Variants in ENTREP2 observed in about 807,000 individuals in gnomAD.
ENTREP2 encodes endosomal transmembrane epsin interactor 2.
chr15:29,430,651 AAAACAAAC>A, the ENTREP2 span, among the ~76,000 whole-genome samples: 1 of 147,290 alleles, frequency 6.8e-6, no homozygotes. Flanking sequence ...CTCCATCTCA[AAAACAAAC>A]AAACAAACAA....
chr15:29,516,379 A>T, the ENTREP2 span, among the ~76,000 whole-genome samples: 5 of 152,232 alleles, frequency 3.3e-5, no homozygotes, highest in Non-Finnish European at 7.3e-5. Context: ...AAATGCATGG[A>T]TCTATACATA....
At chr15:29,543,220 A>G in the ENTREP2 span, among the ~76,000 whole-genome samples, 4 of 152,206 alleles carry the variant, frequency 2.6e-5, no homozygotes, top group Non-Finnish European at 5.9e-5. Context: ...AATAGTGTCC[A>G]TTAATGCTGC....
At chr15:29,215,646 C>T in the ENTREP2 span, among the ~76,000 whole-genome samples, 10,134 of 151,536 alleles carry the variant, frequency 0.067, 1,171 homozygotes, top group African/African-American at 0.23. Flanking sequence ...CACCATTATA[C>T]AAATGTCCCA....
chr15:29,513,024 AAAGTC>A, the ENTREP2 span, among the ~76,000 whole-genome samples: 1 of 152,212 alleles, frequency 6.6e-6, no homozygotes, highest in African/African-American at 2.4e-5. Context: ...TATTCTTTAA[AAAGTC>A]AGCCTCTTTT....
At chr15:29,415,671 G>A in the ENTREP2 span, among the ~76,000 whole-genome samples, 1 of 152,122 alleles carries the variant, frequency 6.6e-6, no homozygotes, top group Non-Finnish European at 1.5e-5. Flanking sequence ...AGGAGAAGGA[G>A]ATAAACGGCA....
the ENTREP2 span, among the ~76,000 whole-genome samples, chr15:29,652,702 G>A: frequency 5.3e-5 from 8 of 152,342 alleles, no homozygotes; most frequent in African/African-American, 1.9e-4. Context: ...GCCTTGCAGA[G>A]AGCTGCTGCC....
chr15:29,136,357 AG>A, the ENTREP2 span: 68 of 1,492,372 alleles, frequency 4.6e-5, no homozygotes, highest in African/African-American at 9.4e-4. Context: ...CTGGGGCCCC[AG>A]GCCTCACCTG....
At chr15:29,515,657 G>A in the ENTREP2 span, among the ~76,000 whole-genome samples, 4 of 152,198 alleles carry the variant, frequency 2.6e-5, no homozygotes, top group Non-Finnish European at 5.9e-5. Flanking sequence ...GTCCTGTGTT[G>A]GAGTTCTAAT....
chr15:29,225,063 G>A, the ENTREP2 span, among the ~76,000 whole-genome samples: 8 of 152,224 alleles, frequency 5.3e-5, no homozygotes, highest in Admixed American at 4.6e-4. Context: ...CTGAGCCCAT[G>A]CCCACCCAGA....
the ENTREP2 span, among the ~76,000 whole-genome samples, chr15:29,207,593 C>T: frequency 1.3e-5 from 2 of 152,018 alleles, no homozygotes; most frequent in African/African-American, 2.4e-5. Context: ...TTTTACAGAG[C>T]GCTGATTAGT....
chr15:29,291,988 G>A, the ENTREP2 span, among the ~76,000 whole-genome samples: 1 of 152,054 alleles, frequency 6.6e-6, no homozygotes, highest in South Asian at 2.1e-4. Context: ...ACCACCCAAT[G>A]TTTGCCAATG....
chr15:29,510,125 G>T, the ENTREP2 span, among the ~76,000 whole-genome samples: 1 of 152,198 alleles, frequency 6.6e-6, no homozygotes, highest in Non-Finnish European at 1.5e-5. Context: ...AGACATTTAT[G>T]TAGCCAGCAA....
chr15:29,567,219 C>A, the ENTREP2 span, among the ~76,000 whole-genome samples: 2 of 152,158 alleles, frequency 1.3e-5, no homozygotes, highest in Non-Finnish European at 2.9e-5. Flanking sequence ...TCATCACAGA[C>A]CTCCGGCCAG....
At chr15:29,320,489 G>A in the ENTREP2 span, among the ~76,000 whole-genome samples, 1 of 152,074 alleles carries the variant, frequency 6.6e-6, no homozygotes, top group Non-Finnish European at 1.5e-5. Flanking sequence ...AAAATTAGAA[G>A]GCATGGTAAA....
the ENTREP2 span, among the ~76,000 whole-genome samples, chr15:29,247,304 A>G: frequency 2.0e-5 from 3 of 152,360 alleles, no homozygotes; most frequent in East Asian, 5.8e-4. Context: ...AAAGTAATCT[A>G]CAAATTTAAT....
the ENTREP2 span, among the ~76,000 whole-genome samples, chr15:29,164,518 G>C: frequency 2.6e-5 from 4 of 152,208 alleles, no homozygotes; most frequent in Non-Finnish European, 5.9e-5. Context: ...CAAGAGAGTA[G>C]GGGTAGCTAT....
At chr15:29,568,215 A>C in the ENTREP2 span, among the ~76,000 whole-genome samples, 1 of 152,256 alleles carries the variant, frequency 6.6e-6, no homozygotes, top group African/African-American at 2.4e-5. Flanking sequence ...TGAAGACAGA[A>C]AATAAGCCCA....
the ENTREP2 span, among the ~76,000 whole-genome samples, chr15:29,596,836 T>G: frequency 6.6e-6 from 1 of 152,034 alleles, no homozygotes; most frequent in Non-Finnish European, 1.5e-5. Flanking sequence ...GCCCAGCTAA[T>G]TTTTGTATTT....
chr15:29,219,614 A>AT, the ENTREP2 span, among the ~76,000 whole-genome samples: 11 of 38,412 alleles, frequency 2.9e-4, no homozygotes, highest in Admixed American at 8.2e-4. Context: ...GTGGTGCATA[A>AT]ATATATATAT....
Sources: allele counts gnomAD v4.1 joint callset (sites outside exome capture counted in the v4.1 genomes callset), GRCh38; gene constraint gnomAD v4.1.1; transcripts MANE v1.5; gene names NCBI Gene and HGNC (gene_info 2026-07-23, HGNC 2026-07-21).